The following CCDC12 variants were observed in gnomAD, a reference collection of about 807,000 sequenced individuals.
CCDC12 encodes coiled-coil domain-containing protein 12.
CCDC12 carries 28 observed loss-of-function variants against 25.7 expected under a neutral mutation model. That is an observed-to-expected ratio of 1.09 (90% confidence interval 0.81 to 1.50). The LOEUF (loss-of-function observed/expected upper bound fraction) is 1.50. Ranked by LOEUF, CCDC12 falls within the 40% of genes most tolerant of loss-of-function variation. The probability of loss-of-function intolerance (pLI) is 0.00; values close to 1 mark genes in which losing one functional copy is unlikely to be tolerated. For synonymous variants in CCDC12, 75 were observed against 87.7 expected, an observed-to-expected ratio of 0.86 and a Z score of 0.81; for missense variants, 198 against 210.0, an observed-to-expected ratio of 0.94 and a Z score of 0.35.
chr3:46,933,770 T>C (rs1054726436), intron 2 of CCDC12, among the ~76,000 whole-genome samples: 1 of 152,208 alleles, frequency 6.6e-6, no homozygotes, highest in Non-Finnish European at 1.5e-5. Flanking sequence ...TAAGCTGCCA[T>C]AATTTCATGA....
intron 1 of CCDC12, among the ~76,000 whole-genome samples, chr3:46,955,991 T>C (rs2034278492): frequency 1.3e-5 from 2 of 152,178 alleles, no homozygotes. Flanking sequence ...TCAGAACAAC[T>C]AAGAAACTTA....
intron 2 of CCDC12, among the ~76,000 whole-genome samples, chr3:46,938,537 T>G (rs1213746796): frequency 6.8e-6 from 1 of 148,062 alleles, no homozygotes; most frequent in Non-Finnish European, 1.5e-5. Context: ...TTTTTTTTTT[T>G]TTTTTTGGTA....
At chr3:46,950,209 A>C (rs1434037613) in intron 1 of CCDC12, among the ~76,000 whole-genome samples, 2 of 152,078 alleles carry the variant, frequency 1.3e-5, no homozygotes, top group Admixed American at 1.3e-4. Context: ...CCAAGAAAGC[A>C]CTTAACAAGA....
upstream of CCDC12, among the ~76,000 whole-genome samples, chr3:46,977,471 CAAAAAAAAAA>C (rs61340798): frequency 1.0e-4 from 12 of 120,286 alleles, no homozygotes; most frequent in Non-Finnish European, 8.6e-5. Context: ...GACTCCGTCT[CAAAAAAAAAA>C]AAAAAAAAAA....
Position 46,923,485 on chromosome 3 carries a change from G to A in CCDC12, c.306+122C>T, listed in dbSNP as rs780181322. ...AGGAAGGAGAGGGACGAGAGCAAAG[G>A]GGCTGGTGGGAAGGGAATAAAGAAG... On this transcript the variant is annotated intron_variant, in intron 4 of 6. Transcript: ENST00000683445. 2.2e-5 allele frequency: 32 copies of A among 1,465,162 alleles called. No homozygotes were observed. The Middle Eastern group carries it at 8.6e-4, about 39-fold the overall frequency. The allele number at this position is 1,465,162 out of a possible 1,614,324, so 90.8% of individuals were successfully genotyped here. A position where few individuals can be genotyped will look rare whatever the true frequency, so the allele number is the denominator to read the frequency against.
chr3:46,949,298 G>A (rs911802481), intron 1 of CCDC12, among the ~76,000 whole-genome samples: 4 of 152,178 alleles, frequency 2.6e-5, no homozygotes, highest in African/African-American at 4.8e-5. Context: ...AGAGAGCAGA[G>A]GGAACAACCA....
intron 1 of CCDC12, chr3:46,965,936 G>A (rs894068998): frequency 6.6e-6 from 1 of 152,366 alleles, no homozygotes; most frequent in Non-Finnish European, 1.5e-5. Flanking sequence ...TGGGAGGGAG[G>A]AGGTACTGTG....
upstream of CCDC12, among the ~76,000 whole-genome samples, chr3:46,980,336 C>T (rs973203884): frequency 1.3e-5 from 2 of 152,122 alleles, no homozygotes; most frequent in East Asian, 3.9e-4. Context: ...CCCTTGGGCG[C>T]GGCCTGATTG....
intron 1 of CCDC12, among the ~76,000 whole-genome samples, chr3:46,974,401 G>A (rs189444501): frequency 6.7e-4 from 102 of 152,260 alleles, no homozygotes; most frequent in Middle Eastern, 3.4e-3. Flanking sequence ...TGATGATCTA[G>A]CACGTCCTTC....
intron 1 of CCDC12, among the ~76,000 whole-genome samples, chr3:46,973,188 C>G (rs2107205443): frequency 4.1e-5 from 1 of 24,510 alleles, no homozygotes; most frequent in East Asian, 2.4e-3. Context: ...CACCCTGTCT[C>G]TACTAAAATA....
intron 3 of CCDC12, chr3:46,924,096 T>A (rs1441913919): frequency 6.3e-6 from 1 of 159,728 alleles, no homozygotes; most frequent in African/African-American, 2.4e-5. Flanking sequence ...AGGTGTATGC[T>A]CCCAAGACCA....
At chr3:46,968,507 T>A (rs2034706081) in intron 1 of CCDC12, among the ~76,000 whole-genome samples, 1 of 152,184 alleles carries the variant, frequency 6.6e-6, no homozygotes, top group African/African-American at 2.4e-5. Context: ...ATAGACAGCA[T>A]CTTTCTCTGT....
At chr3:46,922,472 C>A in intron 5 of CCDC12, 160 bp from the exon 6 acceptor site, 2 of 703,802 alleles carry the variant, frequency 2.8e-6, no homozygotes, top group Admixed American at 5.0e-5. Context: ...TCTGTACCCT[C>A]CGAAACCCAG....
intron 1 of CCDC12, among the ~76,000 whole-genome samples, chr3:46,954,838 G>A (rs1339147416): frequency 2.0e-5 from 3 of 152,066 alleles, no homozygotes; most frequent in East Asian, 1.9e-4. Flanking sequence ...CAGGAGAATC[G>A]CTTGAAACCA....
upstream of CCDC12, among the ~76,000 whole-genome samples, chr3:46,980,917 A>G (rs950596724): frequency 6.6e-6 from 1 of 152,124 alleles, no homozygotes; most frequent in Non-Finnish European, 1.5e-5. Flanking sequence ...TGTGCCCTGA[A>G]CAGTTTGTCA....
At chr3:46,974,813 A>G (rs1019347294) in intron 1 of CCDC12, among the ~76,000 whole-genome samples, 1 of 152,178 alleles carries the variant, frequency 6.6e-6, no homozygotes, top group African/African-American at 2.4e-5. Context: ...GTTTTCACCC[A>G]TCTAAAACTA....
At chr3:46,953,779 G>C (rs2034202070) in intron 1 of CCDC12, among the ~76,000 whole-genome samples, 1 of 152,136 alleles carries the variant, frequency 6.6e-6, no homozygotes, top group Non-Finnish European at 1.5e-5. Flanking sequence ...TGTAGACTAA[G>C]CCCTCTTAAA....
chr3:46,963,050 G>A (rs1346463005), intron 1 of CCDC12, among the ~76,000 whole-genome samples: 2 of 152,216 alleles, frequency 1.3e-5, no homozygotes, highest in Non-Finnish European at 2.9e-5. Flanking sequence ...ACAAACATAT[G>A]ATGAATGAAA....
intron 1 of CCDC12, among the ~76,000 whole-genome samples, chr3:46,951,955 C>T (rs1288643739): frequency 1.3e-5 from 2 of 150,436 alleles, no homozygotes; most frequent in African/African-American, 4.9e-5. Flanking sequence ...ATTCTGACCC[C>T]ACCACAAAAC....
Sources: gnomAD v4.1 joint callset for allele counts (sites outside exome capture counted in the v4.1 genomes callset) on GRCh38, gnomAD v4.1.1 for gene constraint, MANE v1.5 for transcripts, NCBI Gene and HGNC (gene_info 2026-07-23, HGNC 2026-07-21) for gene names.